Variants in PLG observed in about 807,000 individuals in gnomAD.
The protein encoded by PLG is plasminogen.
Under a neutral mutation model 104.4 loss-of-function variants are expected in PLG, and 41 were observed. That is an observed-to-expected ratio of 0.39 (90% CI 0.31 to 0.51). The LOEUF is 0.51. PLG is among the 20% of genes least tolerant of loss of function. The pLI is 0.76. For synonymous variants in PLG, 337 were observed against 357.1 expected (o/e 0.94, Z 0.63); for missense variants, 891 against 1,003.6 (o/e 0.89, Z 1.52).
rs1417180075 is a variant in PLG, at chr6:160,734,845, G to A, written c.1681+757G>A. On this transcript the variant is annotated intron_variant, in intron 13 of 18. Transcript: ENST00000308192. The surrounding 1 kb of genome is among the most constrained non-coding windows in gnomAD (Gnocchi z 4.4). ...TGTCCTAGTTACAGAAAACCACCCT[G>A]GACTTCTCCTATGCATAATTTGGTT... Among the ~76,000 whole-genome samples the A allele has an allele frequency of 6.6e-6, 1 of 152,046 alleles. No individual in the cohort carries two copies. The highest frequency in any genetic ancestry group is 1.5e-5 in the Non-Finnish European group (1 of 68,020).
At chr6:160,713,907 C>T (rs183021143) in intron 5 of PLG, among the ~76,000 whole-genome samples, 3 of 152,210 alleles carry the variant, frequency 2.0e-5, no homozygotes, top group East Asian at 3.9e-4. Flanking sequence ...AAACTGTCAT[C>T]GTTTCACATT....
intron 17 of PLG, among the ~76,000 whole-genome samples, chr6:160,747,123 T>A (rs1372049580): frequency 6.6e-6 from 1 of 152,210 alleles, no homozygotes; most frequent in Non-Finnish European, 1.5e-5. Flanking sequence ...ATTAGACTAG[T>A]CTTCTTCCCA....
chr6:160,702,997 G>A (rs1777448615), intron 1 of PLG, among the ~76,000 whole-genome samples: 1 of 152,176 alleles, frequency 6.6e-6, no homozygotes, highest in Non-Finnish European at 1.5e-5. Context: ...GTGTGTGAAT[G>A]TGAGTGTGAG....
At position 160,731,752 on chromosome 6, in the gene PLG, G is replaced by A. The variant is rs753483846; in HGVS notation, c.1446G>A (p.Met482Ile). The A allele has an allele frequency of 3.2e-5, 51 of 1,613,856 alleles. No homozygotes were observed. Among genetic ancestry groups the A allele is most frequent in the Admixed American group, 1.0e-4 (6 of 59,984 alleles). ...CATTTTTTCCCTGTACAGACTGTAT[G>A]TTTGGGAATGGGAAAGGATACCGAG... ...DVETPSEEDC[M>I]FGNGKGYRGK... Residue 482 changes from methionine to isoleucine, a missense_variant, in exon 12 of 19, where the codon ATG (methionine) becomes ATA (isoleucine). Transcript: ENST00000308192. This position sits in a 1 kb window ranked among gnomAD's most constrained non-coding sequence, Gnocchi z 5.1.
intron 17 of PLG, among the ~76,000 whole-genome samples, chr6:160,748,461 G>A (rs966422183): frequency 7.1e-6 from 1 of 140,850 alleles, no homozygotes. Flanking sequence ...GGGAGGGAGG[G>A]AGGGAGGGAG....
In PLG at chr6:160,734,905, G is replaced by C. The variant is rs1778062163; in HGVS notation, c.1681+817G>C. Among the ~76,000 whole-genome samples, 1 of 151,934 alleles carries C rather than the reference G, an allele frequency of 6.6e-6. No homozygotes were observed. The highest frequency in any genetic ancestry group is 6.6e-5 in the Admixed American group (1 of 15,248). ...TGGGTCTGCCATGTGGAGGGACCTT[G>C]AGCTGGGGGAAGGAGCTTGGCCTCC... On this transcript the variant is annotated intron_variant, in intron 13 of 18. Coordinates refer to ENST00000308192, the MANE Select transcript of PLG (RefSeq NM_000301.5). This position sits in a 1 kb window ranked among gnomAD's most constrained non-coding sequence, Gnocchi z 4.4.
At chr6:160,728,451 A>T (rs1777952889) in intron 10 of PLG, among the ~76,000 whole-genome samples, 1 of 14,930 alleles carries the variant, frequency 6.7e-5, no homozygotes, top group Non-Finnish European at 1.2e-4. Context: ...TAGAATCACA[A>T]GGACAATATT....
intron 12 of PLG, 149 bp from the exon 13 acceptor site, chr6:160,733,846 G>GA (rs10540264): frequency 0.023 from 8,073 of 345,678 alleles, 5 homozygotes; most frequent in South Asian, 0.048. Context: ...CTCCACCTCA[G>GA]AAAAAAAAAA....
intron 10 of PLG, 195 bp from the exon 11 acceptor site, chr6:160,730,856 A>T: frequency 1.8e-6 from 1 of 556,600 alleles, no homozygotes; most frequent in Non-Finnish European, 3.2e-6. Flanking sequence ...AAGAAAAATT[A>T]AAATCTGTCT....
Position 160,741,126 on chromosome 6 carries a change from A to G in PLG, c.2019-185A>G, listed in dbSNP as rs1048507524. ...CTTTCAAATGAAACCTTACATCTGC[A>G]TAGTCCATAGACAACCACAGGCAAA... On this transcript the variant is annotated intron_variant, in intron 16 of 18. Transcript: ENST00000308192. This position sits in a 1 kb window ranked among gnomAD's most constrained non-coding sequence, Gnocchi z 4.7. 6.6e-5 allele frequency among the ~76,000 whole-genome samples: 10 copies of G among 152,236 alleles called. No homozygotes were observed. The highest frequency in any genetic ancestry group is 2.0e-4 in the Admixed American group (3 of 15,288).
At chr6:160,748,350 G>GAGAAAGAAAGAAAAAGAA (rs1554252935) in intron 17 of PLG, among the ~76,000 whole-genome samples, 1 of 49,404 alleles carries the variant, frequency 2.0e-5, no homozygotes, top group African/African-American at 7.0e-5. Context: ...AGAAAAGAAA[G>GAGAAAGAAAGAAAAAGAA]AGAAAGAAAG....
In PLG at chr6:160,724,428, C is replaced by G. The variant is rs1482183321; in HGVS notation, c.1256+1861C>G. On this transcript the variant is annotated intron_variant, in intron 10 of 18. Coordinates refer to ENST00000308192, the MANE Select transcript of PLG (RefSeq NM_000301.5). This position sits in a 1 kb window ranked among gnomAD's most constrained non-coding sequence, Gnocchi z 5.0. ...TGATACAAACTGCAGCACACACATACAAAGACTGAAAAGATAAAGAAACAG... is the reference window on the plus strand; with the variant it reads ...TGATACAAACTGCAGCACACACATAGAAAGACTGAAAAGATAAAGAAACAG... 6.6e-6 allele frequency among the ~76,000 whole-genome samples: 1 copy of G among 151,796 alleles called. No homozygotes were observed. Among genetic ancestry groups the G allele is most frequent in the Non-Finnish European group, 1.5e-5 (1 of 67,950 alleles).
chr6:160,722,562 A>G lies in PLG; in HGVS notation c.1251A>G (p.Pro417=). ...ACCAGAAGACCCCAGAAAACTACCCAAATGCGTATGTCTTTGATTTTTACT... is the reference window on the plus strand; with the variant it reads ...ACCAGAAGACCCCAGAAAACTACCCGAATGCGTATGTCTTTGATTTTTACT... The part of the protein sequence containing the change: ...HRHQKTPENY[P]NAGLTMNYCR... The change falls in exon 10 of 19, where the codon CCA becomes CCG. Residue 417 remains proline (P), a synonymous_variant. Coordinates refer to ENST00000308192, the MANE Select transcript of PLG (RefSeq NM_000301.5). The G allele has an allele frequency of 6.2e-7, 1 of 1,613,634 alleles. No homozygotes were observed. The highest frequency in any genetic ancestry group is 8.5e-7 in the Non-Finnish European group (1 of 1,179,620).
chr6:160,731,836 C>G lies in PLG; in HGVS notation c.1530C>G (p.Pro510=). Residue 510 remains proline (P), a synonymous_variant, in exon 12 of 19, where the codon CCC becomes CCG. Transcript: ENST00000308192. This position sits in a 1 kb window ranked among gnomAD's most constrained non-coding sequence, Gnocchi z 5.1. ...GCCAGGACTGGGCTGCCCAGGAGCC[C>G]CATAGACACAGCATTTTCACTCCAG... ...TPCQDWAAQE[P]HRHSIFTPET... The G allele has an allele frequency of 1.2e-6, 2 of 1,614,078 alleles. No homozygotes were observed. The highest frequency in any genetic ancestry group is 1.7e-6 in the Non-Finnish European group (2 of 1,179,984).
intron 10 of PLG, among the ~76,000 whole-genome samples, chr6:160,727,546 T>G (rs1360566220): frequency 6.6e-6 from 1 of 151,526 alleles, no homozygotes; most frequent in Admixed American, 6.6e-5. Flanking sequence ...TAAAAAGATG[T>G]AACAAAATTT....
In PLG at chr6:160,714,872, G is replaced by A; in HGVS notation, c.626G>A (p.Trp209Ter). ...KTMSGLECQA[W>*]DSQSPHAHGY... The stretch of plus-strand genomic sequence containing the variant: ...ATGTCTGGACTGGAATGCCAGGCCT[G>A]GGACTCTCAGAGCCCACACGCTCAT... Residue 209 changes from tryptophan to a stop codon, truncating the protein, a stop_gained, in exon 6 of 19, where the codon TGG becomes TAG. Transcript: ENST00000308192. LOFTEE classifies it high-confidence loss of function. 1.2e-6 allele frequency: 2 copies of A among 1,613,778 alleles called. No individual in the cohort carries two copies. Among genetic ancestry groups the A allele is most frequent in the Non-Finnish European group, 1.7e-6 (2 of 1,179,708 alleles).
rs1777525076 is a variant in PLG, at chr6:160,706,433, G to A, written c.76G>A (p.Val26Met). 6.2e-7 allele frequency: 1 copy of A among 1,613,434 alleles called. No homozygotes were observed. The highest frequency in any genetic ancestry group is 1.3e-5 in the African/African-American group (1 of 74,920). The part of the protein sequence containing the change: ...SGQGEPLDDY[V>M]NTQGASLFSV... The stretch of plus-strand genomic sequence containing the variant: ...TCAAGGAGAGCCTCTGGATGACTAT[G>A]TGAATACCCAGGGGGCTTCACTGTT... The change falls in exon 2 of 19, where the codon GTG becomes ATG. Residue 26 changes from valine (V) to methionine (M), a missense_variant. Val to Met is a conservative substitution (Grantham distance 21). Coordinates refer to ENST00000308192, the MANE Select transcript of PLG (RefSeq NM_000301.5).
rs139573422 is a variant in PLG, at chr6:160,753,716, C to T, written c.*655C>T. Among the ~76,000 whole-genome samples the T allele has an allele frequency of 5.3e-4, 81 of 152,160 alleles. No homozygotes were observed. Among genetic ancestry groups the T allele is most frequent in the Admixed American group, 2.9e-3 (44 of 15,290 alleles). ...AGTCTGAATGTTATTCTGGGGCACACGTGAGTCTAGGATTGGTGCCAAGAG... is the reference window on the plus strand; with the variant it reads ...AGTCTGAATGTTATTCTGGGGCACATGTGAGTCTAGGATTGGTGCCAAGAG... On this transcript the variant is annotated 3_prime_UTR_variant, in exon 19 of 19. Transcript: ENST00000308192. This position sits in a 1 kb window ranked among gnomAD's most constrained non-coding sequence, Gnocchi z 5.4.
rs749093086 is a variant in PLG at position 160,714,788 on chromosome 6, G to C, written c.548-6G>C. The C allele has an allele frequency of 6.2e-7, 1 of 1,613,606 alleles. No individual in the cohort carries two copies. Among genetic ancestry groups the C allele is most frequent in the Non-Finnish European group, 8.5e-7 (1 of 1,179,662 alleles). ...CCTCTCTGTCCTTCCTTCCCACTCT[G>C]TCCAGAGGAATGTATGCATTGCAGT... On this transcript the variant is annotated splice_polypyrimidine_tract_variant and splice_region_variant and intron_variant, in intron 5 of 18. Transcript: ENST00000308192.
Sources: allele counts gnomAD v4.1 joint callset (sites outside exome capture counted in the v4.1 genomes callset), GRCh38; gene constraint gnomAD v4.1.1; non-coding constraint Gnocchi (gnomAD v3.1); transcripts MANE v1.5; gene names NCBI Gene and HGNC (gene_info 2026-07-23, HGNC 2026-07-21).